The following ATF7IP variants were observed in gnomAD, a reference collection of about 807,000 sequenced individuals.
ATF7IP encodes activating transcription factor 7 interacting protein, also known as activating transcription factor 7-interacting protein 1.
ATF7IP carries 23 observed loss-of-function variants against 106.4 expected under a neutral mutation model. That is an observed-to-expected ratio of 0.22 (90% confidence interval 0.16 to 0.31). ATF7IP has a LOEUF of 0.31. ATF7IP is among the 10% of genes least tolerant of loss of function. ATF7IP has a pLI of 1.00. For missense variants in ATF7IP, 1,334 were observed against 1,524.3 expected (o/e 0.88, Z 2.08); for synonymous variants, 542 against 539.0 (o/e 1.01, Z -0.08).
intron 4 of ATF7IP, 48 bp from the exon 5 acceptor site, chr12:14,438,082 T>C: frequency 6.3e-7 from 1 of 1,581,796 alleles, no homozygotes; most frequent in Non-Finnish European, 8.6e-7. Context: ...TGTTTATTGC[T>C]TGCTGGAATG....
intron 1 of ATF7IP, among the ~76,000 whole-genome samples, chr12:14,398,477 T>G (rs1443581824): frequency 6.6e-6 from 1 of 150,908 alleles, no homozygotes; most frequent in African/African-American, 2.4e-5. Context: ...CCTTGTGGTT[T>G]TTTTTTTTTG....
chr12:14,380,327 A>G (rs907522293), intron 1 of ATF7IP, among the ~76,000 whole-genome samples: 15 of 151,986 alleles, frequency 9.9e-5, no homozygotes, highest in African/African-American at 3.6e-4. Context: ...TGCCTTCCTT[A>G]GGTAACTGCA....
intron 4 of ATF7IP, among the ~76,000 whole-genome samples, chr12:14,437,378 T>C (rs1441584100): frequency 2.0e-5 from 3 of 152,198 alleles, no homozygotes; most frequent in Admixed American, 6.5e-5. Context: ...GTTGTTTTTT[T>C]CCCCTAGTTT....
chr12:14,425,770 A>G (rs968926748), intron 2 of ATF7IP, among the ~76,000 whole-genome samples: 53 of 152,350 alleles, frequency 3.5e-4, no homozygotes, highest in African/African-American at 1.3e-3. Flanking sequence ...AAGTTAGTAC[A>G]TAATTGACTA....
intron 8 of ATF7IP, among the ~76,000 whole-genome samples, chr12:14,459,817 C>T (rs912610522): frequency 1.2e-4 from 19 of 152,178 alleles, no homozygotes; most frequent in African/African-American, 4.6e-4. Context: ...TATTATAAAA[C>T]TAGTGACCAG....
intron 6 of ATF7IP, among the ~76,000 whole-genome samples, chr12:14,449,528 G>A (rs1022350677): frequency 6.6e-6 from 1 of 151,422 alleles, no homozygotes; most frequent in Non-Finnish European, 1.5e-5. Flanking sequence ...CACTTTTTTC[G>A]ATTATTGTAG....
At chr12:14,476,188 C>A in intron 11 of ATF7IP, 1 of 409,614 alleles carries the variant, frequency 2.4e-6, no homozygotes. Context: ...GCAGGAGGAT[C>A]GAGGCAAGAG....
rs1175137236 is a variant in ATF7IP, at chr12:14,496,350, G to A, written c.3393+7G>A. The A allele has an allele frequency of 1.9e-6, 3 of 1,602,554 alleles. No homozygotes were observed. Among genetic ancestry groups the A allele is most frequent in the East Asian group, 2.2e-5 (1 of 44,750 alleles). On this transcript the variant is annotated splice_region_variant and intron_variant, in intron 14 of 14. Coordinates refer to ENST00000261168, the MANE Select transcript of ATF7IP (RefSeq NM_018179.5). ...ACCACCACAAGTGCATACTGTAAGT[G>A]TTGATGCTTGGTTTTGCAAAATTCT...
chr12:14,402,753 T>C (rs924772945), intron 1 of ATF7IP, among the ~76,000 whole-genome samples: 1 of 151,850 alleles, frequency 6.6e-6, no homozygotes, highest in Non-Finnish European at 1.5e-5. Flanking sequence ...GATTCTATCA[T>C]GCCTGGCTAA....
intron 10 of ATF7IP, among the ~76,000 whole-genome samples, chr12:14,475,472 T>C (rs972667837): frequency 2.0e-5 from 3 of 152,222 alleles, no homozygotes; most frequent in African/African-American, 7.2e-5. Context: ...ATACCATTTT[T>C]TTAGGGCAAA....
chr12:14,473,100 G>A lies in ATF7IP; in HGVS notation c.2863-2790G>A, dbSNP rs1302215649. Among the ~76,000 whole-genome samples, 5 of 152,112 alleles carry A rather than the reference G, an allele frequency of 3.3e-5. No individual in the cohort carries two copies. In the East Asian group the frequency reaches 9.6e-4, roughly 29 times the overall value. ...GGTCGGAGTTTTTAGACCATTTATA[G>A]TTAATATAAGTATTGATAGGATTGT... On this transcript the variant is annotated intron_variant, in intron 10 of 14. Transcript: ENST00000261168.
At chr12:14,473,284 CTCTCTCTGTGTGTG>C (rs1294007597) in intron 10 of ATF7IP, among the ~76,000 whole-genome samples, 10 of 68,600 alleles carry the variant, frequency 1.5e-4, no homozygotes, top group African/African-American at 8.0e-4. Flanking sequence ...CGCTCTCTCT[CTCTCTCTGTGTGTG>C]TGTGTGTGTG....
At chr12:14,396,935 T>G (rs1591787478) in intron 1 of ATF7IP, among the ~76,000 whole-genome samples, 1 of 151,992 alleles carries the variant, frequency 6.6e-6, no homozygotes, top group East Asian at 1.9e-4. Flanking sequence ...CCGAGGCAGG[T>G]GAATCACCTG....
At chr12:14,483,904 G>A (rs1253382531) in intron 13 of ATF7IP, among the ~76,000 whole-genome samples, 1 of 152,166 alleles carries the variant, frequency 6.6e-6, no homozygotes, top group Non-Finnish European at 1.5e-5. Context: ...GCTTTGGTCA[G>A]AGGCAGTGCT....
chr12:14,381,333 G>A (rs966333091), intron 1 of ATF7IP, among the ~76,000 whole-genome samples: 1 of 152,174 alleles, frequency 6.6e-6, no homozygotes, highest in Non-Finnish European at 1.5e-5. Flanking sequence ...CCAGGTTCAA[G>A]TGATTCTTGT....
chr12:14,502,251 T>A lies in ATF7IP; in HGVS notation c.*4178T>A, dbSNP rs930704888. Reference sequence around the variant, plus strand: ...TATTTTTACTGGGCAAATGCCCTATTTTTTTAATTATTATTATTTTTAACT... The same window carrying A: ...TATTTTTACTGGGCAAATGCCCTATATTTTTAATTATTATTATTTTTAACT... On this transcript the variant is annotated 3_prime_UTR_variant, in exon 15 of 15. Coordinates refer to ENST00000261168, the MANE Select transcript of ATF7IP (RefSeq NM_018179.5). 3 of 152,162 alleles carry A rather than the reference T, an allele frequency of 2.0e-5. No homozygotes were observed. The highest frequency in any genetic ancestry group is 2.1e-4 in the South Asian group (1 of 4,832). 9.4% of individuals were successfully genotyped at this position (152,162 alleles called of 1,614,324 possible). A position where few individuals can be genotyped will look rare whatever the true frequency, so the allele number is the denominator to read the frequency against.
intron 2 of ATF7IP, among the ~76,000 whole-genome samples, 199 bp downstream of exon 2, chr12:14,425,672 A>G (rs1485545676): frequency 2.6e-5 from 4 of 152,212 alleles, no homozygotes; most frequent in African/African-American, 4.8e-5. Context: ...CTAAATACTA[A>G]GAAGGGAGAT....
At chr12:14,383,155 T>G (rs1348246689) in intron 1 of ATF7IP, among the ~76,000 whole-genome samples, 11 of 152,132 alleles carry the variant, frequency 7.2e-5, no homozygotes, top group Non-Finnish European at 1.6e-4. Context: ...TGTATCAGTT[T>G]TGTGAAATTA....
chr12:14,401,229 C>T (rs936596488), intron 1 of ATF7IP, among the ~76,000 whole-genome samples: 2 of 152,142 alleles, frequency 1.3e-5, no homozygotes, highest in Non-Finnish European at 2.9e-5. Context: ...GAGTCTTGCT[C>T]TTGTCACCCA....
Sources: allele counts gnomAD v4.1 joint callset (sites outside exome capture counted in the v4.1 genomes callset), GRCh38; gene constraint gnomAD v4.1.1; transcripts MANE v1.5; gene names NCBI Gene and HGNC (gene_info 2026-07-23, HGNC 2026-07-21).